EIF4E: variants seen among roughly 807,000 people sequenced by gnomAD.
The protein encoded by EIF4E is eukaryotic translation initiation factor 4E.
For synonymous variants in EIF4E, 71 were observed against 88.5 expected, an observed-to-expected ratio of 0.80 and a Z score of 1.11; for missense variants, 113 against 265.6, an observed-to-expected ratio of 0.43 and a Z score of 3.99.
At chr4:98,925,050 T>C (rs1725812496) in intron 1 of EIF4E, among the ~76,000 whole-genome samples, 1 of 152,212 alleles carries the variant, frequency 6.6e-6, no homozygotes, top group Admixed American at 6.5e-5. Flanking sequence ...TGTTCATTAA[T>C]ATGAATTATA....
chr4:98,885,390 C>T (rs114091591), intron 5 of EIF4E, among the ~76,000 whole-genome samples: 2,177 of 152,202 alleles, frequency 0.014, 15 homozygotes, highest in Non-Finnish European at 0.02. Context: ...AATAGCTATT[C>T]ATGGTTAATC....
chr4:98,912,981 CGGATCACCTG>C, intron 1 of EIF4E, among the ~76,000 whole-genome samples: 2 of 151,876 alleles, frequency 1.3e-5, no homozygotes, highest in Non-Finnish European at 2.9e-5. Flanking sequence ...CCGAGGCAGG[CGGATCACCTG>C]AGGTCAGGTG....
chr4:98,892,323 A>G (rs1357838112), intron 2 of EIF4E, among the ~76,000 whole-genome samples: 1 of 134,286 alleles, frequency 7.4e-6, no homozygotes, highest in Non-Finnish European at 1.6e-5. Context: ...TTCCATCTCA[A>G]AAAACAAAAA....
chr4:98,928,955 G>T, intron 1 of EIF4E, 140 bp downstream of exon 1: 1 of 1,578,696 alleles, frequency 6.3e-7, no homozygotes, highest in South Asian at 1.2e-5. Flanking sequence ...CTTGTCCGCG[G>T]GAGGTCAGGT....
chr4:98,904,960 C>A (rs1296756365), intron 1 of EIF4E, among the ~76,000 whole-genome samples: 2 of 151,538 alleles, frequency 1.3e-5, no homozygotes, highest in Non-Finnish European at 2.9e-5. Context: ...TTTTATTGGG[C>A]ATAGACAGTC....
chr4:98,910,343 C>T (rs1725067897), intron 1 of EIF4E, among the ~76,000 whole-genome samples: 1 of 152,120 alleles, frequency 6.6e-6, no homozygotes, highest in African/African-American at 2.4e-5. Context: ...GTCCCTGAGA[C>T]ATCATATATC....
rs1230355732 is a variant in EIF4E, at chr4:98,879,898, A to T, written c.*1130T>A. ...ATATATGATACTACCTATTCAATTT[A>T]TTAAAAATTGTAATAAACATAATAA... is the stretch of plus-strand genomic sequence containing the variant. On this transcript the variant is annotated 3_prime_UTR_variant, in exon 7 of 7. Transcript: ENST00000450253. 1 of 152,090 alleles carries T rather than the reference A, an allele frequency of 6.6e-6. No homozygotes were observed. Among genetic ancestry groups the T allele is most frequent in the African/African-American group, 2.4e-5 (1 of 41,358 alleles). 9.4% of individuals were successfully genotyped at this position (152,090 alleles called of 1,614,324 possible).
chr4:98,908,234 C>T (rs560857630), intron 1 of EIF4E, among the ~76,000 whole-genome samples: 5 of 152,214 alleles, frequency 3.3e-5, no homozygotes, highest in Non-Finnish European at 5.9e-5. Flanking sequence ...AGAAAGAACT[C>T]GTGATTAAGT....
chr4:98,922,478 C>T (rs1011322209), intron 1 of EIF4E, among the ~76,000 whole-genome samples: 1 of 151,786 alleles, frequency 6.6e-6, no homozygotes, highest in East Asian at 1.9e-4. Context: ...ATCACTTGAA[C>T]CCAGGAGGCG....
intron 1 of EIF4E, chr4:98,909,719 C>A (rs2110207734): frequency 1.4e-6 from 1 of 707,878 alleles, no homozygotes; most frequent in East Asian, 2.7e-5. Flanking sequence ...TTAATGGCAT[C>A]ATTTTCACCA....
At position 98,887,161 on chromosome 4, in the gene EIF4E, T is replaced by C; in HGVS notation, c.317A>G (p.Lys106Arg). 6.2e-7 allele frequency: 1 copy of C among 1,614,060 alleles called. No individual in the cohort carries two copies. The highest frequency in any genetic ancestry group is 8.5e-7 in the Non-Finnish European group (1 of 1,179,906). Residue 106 changes from lysine (K) to arginine (R), a missense_variant, in exon 5 of 7, where the codon AAA becomes AGA. Transcript: ENST00000450253. The surrounding 1 kb of genome is among the most constrained non-coding windows in gnomAD (Gnocchi z 4.0). Reference protein sequence around the residue: ...DGIEPMWEDEKNKRGGRWLIT... With the variant: ...DGIEPMWEDERNKRGGRWLIT... The stretch of plus-strand genomic sequence containing the variant: ...TAGCCATCGTCCTCCCCGTTTGTTT[T>C]TCTCATCTTCCCACATAGGCTCAAT...
chr4:98,889,230 A>G (rs919841912), intron 3 of EIF4E, among the ~76,000 whole-genome samples: 7 of 152,128 alleles, frequency 4.6e-5, no homozygotes, highest in African/African-American at 1.7e-4. Flanking sequence ...ACACAAATAT[A>G]GTTTAGGTGA....
chr4:98,893,165 C>T (rs567467893), intron 2 of EIF4E, among the ~76,000 whole-genome samples: 2 of 152,120 alleles, frequency 1.3e-5, no homozygotes, highest in Admixed American at 6.5e-5. Flanking sequence ...AATGTACATA[C>T]CTTAATTAAA....
At position 98,887,312 on chromosome 4, in the gene EIF4E, C is replaced by T; in HGVS notation, c.286-120G>A. ...TCTTACTTTATTGCCCATAAAACTG[C>T]CATTGATGTAGTTTTTAAACAGCAC... is the stretch of plus-strand genomic sequence containing the variant. On this transcript the variant is annotated intron_variant, in intron 4 of 6. Coordinates refer to ENST00000450253, the MANE Select transcript of EIF4E (RefSeq NM_001968.5). The surrounding 1 kb of genome is among the most constrained non-coding windows in gnomAD (Gnocchi z 4.0). The T allele has an allele frequency of 9.7e-7, 1 of 1,029,762 alleles. No homozygotes were observed. Among genetic ancestry groups the T allele is most frequent in the Non-Finnish European group, 1.5e-6 (1 of 657,074 alleles). 63.8% of individuals were successfully genotyped at this position (1,029,762 alleles called of 1,614,324 possible). A position where few individuals can be genotyped will look rare whatever the true frequency, so the allele number is the denominator to read the frequency against.
chr4:98,894,435 A>G (rs1305253691), intron 2 of EIF4E, among the ~76,000 whole-genome samples: 4 of 152,232 alleles, frequency 2.6e-5, no homozygotes, highest in Non-Finnish European at 5.9e-5. Flanking sequence ...CAATTACCTC[A>G]GCTAGATCTG....
chr4:98,925,606 C>A (rs553592351), intron 1 of EIF4E, among the ~76,000 whole-genome samples: 65 of 152,260 alleles, frequency 4.3e-4, no homozygotes, highest in African/African-American at 1.5e-3. Flanking sequence ...CTTCATGTAA[C>A]TCAACTCATA....
chr4:98,880,886 A>C lies in EIF4E; in HGVS notation c.*142T>G. 6.9e-7 allele frequency: 1 copy of C among 1,445,262 alleles called. No individual in the cohort carries two copies. Among genetic ancestry groups the C allele is most frequent in the Non-Finnish European group, 9.2e-7 (1 of 1,087,676 alleles). 89.5% of individuals were successfully genotyped at this position (1,445,262 alleles called of 1,614,324 possible). The stretch of plus-strand genomic sequence containing the variant: ...GAAGTACAAGACAAAGGCGAATGAG[A>C]CTTCTCTTATATCTGAGTAACATTA... On this transcript the variant is annotated 3_prime_UTR_variant, in exon 7 of 7. Coordinates refer to ENST00000450253, the MANE Select transcript of EIF4E (RefSeq NM_001968.5).
At chr4:98,900,537 G>C (rs1724602233) in intron 2 of EIF4E, among the ~76,000 whole-genome samples, 1 of 152,044 alleles carries the variant, frequency 6.6e-6, no homozygotes, top group African/African-American at 2.4e-5. Flanking sequence ...TTTAAGTAGA[G>C]AGTGAATGGT....
At chr4:98,914,701 T>C (rs1377346852) in intron 1 of EIF4E, among the ~76,000 whole-genome samples, 1 of 152,132 alleles carries the variant, frequency 6.6e-6, no homozygotes, top group African/African-American at 2.4e-5. Context: ...TAACCGCAGA[T>C]ACATGTCATT....
Sources: allele counts gnomAD v4.1 joint callset (sites outside exome capture counted in the v4.1 genomes callset), GRCh38; gene constraint gnomAD v4.1.1; non-coding constraint Gnocchi (gnomAD v3.1); transcripts MANE v1.5; gene names NCBI Gene and HGNC (gene_info 2026-07-23, HGNC 2026-07-21).